Variants in PCNT observed in about 807,000 individuals in gnomAD.
The protein encoded by PCNT is pericentrin.
Under a neutral mutation model 380.4 loss-of-function variants are expected in PCNT, and 319 were observed. The observed-to-expected ratio is 0.84, with a 90% CI of 0.77 to 0.92. The LOEUF (loss-of-function observed/expected upper bound fraction) is 0.92. Ranked by LOEUF, PCNT falls within the 40% of genes least tolerant of loss-of-function variation. The pLI is 0.00. For missense variants in PCNT, 4,400 were observed against 4,255.3 expected (o/e 1.03, Z -0.95); for synonymous variants, 1,845 against 1,735.2 (o/e 1.06, Z -1.57).
chr21:46,396,495 G>A (rs1010182470), intron 21 of PCNT, among the ~76,000 whole-genome samples: 33 of 152,212 alleles, frequency 2.2e-4, no homozygotes, highest in African/African-American at 8.0e-4. Flanking sequence ...GAGCCCTTGC[G>A]GCCTCGTCAC....
chr21:46,363,506 C>T lies in PCNT; in HGVS notation c.2181C>T (p.His727=). 1 of 1,613,348 alleles carries T rather than the reference C, an allele frequency of 6.2e-7. No homozygotes were observed. Among genetic ancestry groups the T allele is most frequent in the Non-Finnish European group, 8.5e-7 (1 of 1,179,532 alleles). Residue 727 remains histidine, a synonymous_variant, in exon 14 of 47, where the codon CAC becomes CAT. Transcript: ENST00000359568. The part of the protein sequence containing the change: ...EKVKHNLIED[H]QKELNNAKQK... ...TAAAACACAATCTAATTGAAGACCACCAGAAGGAACTAAATAATGCTAAGC... is the reference window on the plus strand; with the variant it reads ...TAAAACACAATCTAATTGAAGACCATCAGAAGGAACTAAATAATGCTAAGC...
At chr21:46,390,155 C>G (rs951066723) in intron 19 of PCNT, among the ~76,000 whole-genome samples, 15 of 152,224 alleles carry the variant, frequency 9.9e-5, no homozygotes, top group African/African-American at 3.1e-4. Flanking sequence ...AGCGAGACCT[C>G]ATTTTAAGTT....
At chr21:46,336,040 G>A (rs369387546) in intron 3 of PCNT, among the ~76,000 whole-genome samples, 2 of 151,880 alleles carry the variant, frequency 1.3e-5, no homozygotes, top group Non-Finnish European at 2.9e-5. Context: ...GCAGTGGCGC[G>A]ATCTCGGCTC....
At chr21:46,371,234 A>T (rs1322881289) in intron 15 of PCNT, among the ~76,000 whole-genome samples, 9 of 135,788 alleles carry the variant, frequency 6.6e-5, no homozygotes, top group African/African-American at 1.9e-4. Context: ...TTTTTTTTTT[A>T]AAGACGGAGT....
intron 16 of PCNT, among the ~76,000 whole-genome samples, chr21:46,384,317 T>G (rs2147205691): frequency 6.8e-6 from 1 of 147,818 alleles, no homozygotes; most frequent in Admixed American, 6.8e-5. Context: ...CGGAAGCCCA[T>G]TCACGGTGTT....
intron 15 of PCNT, among the ~76,000 whole-genome samples, chr21:46,370,144 C>T (rs978066999): frequency 3.3e-5 from 5 of 150,860 alleles, no homozygotes; most frequent in African/African-American, 9.9e-5. Flanking sequence ...GCAGTGGGGT[C>T]TGTGCTCAAA....
intron 38 of PCNT, among the ~76,000 whole-genome samples, chr21:46,435,204 G>A (rs1407370038): frequency 6.6e-6 from 1 of 152,066 alleles, no homozygotes; most frequent in East Asian, 1.9e-4. Context: ...GCTTTTGCTT[G>A]GCAGTTGTTG....
At chr21:46,424,714 G>GCT (rs1569289250) in intron 32 of PCNT, among the ~76,000 whole-genome samples, 2 of 81,058 alleles carry the variant, frequency 2.5e-5, no homozygotes, top group African/African-American at 9.2e-5. Context: ...CTCCCACTGC[G>GCT]CCCCCCCCAA....
chr21:46,349,652 G>A (rs750462863), intron 7 of PCNT, 32 bp from the exon 8 acceptor site: 3 of 1,611,040 alleles, frequency 1.9e-6, no homozygotes, highest in South Asian at 1.1e-5. Flanking sequence ...GTGATGTCTT[G>A]TAAACCAAGT....
At chr21:46,334,161 T>C (rs998684969) in intron 2 of PCNT, among the ~76,000 whole-genome samples, 14 of 147,644 alleles carry the variant, frequency 9.5e-5, no homozygotes, top group African/African-American at 2.5e-4. Context: ...GCTGAGATTG[T>C]GCCACTGCAC....
In PCNT at chr21:46,431,571, C is replaced by T. The variant is rs758298374; in HGVS notation, c.8107C>T (p.Arg2703Ter). 7.4e-6 allele frequency: 12 copies of T among 1,613,908 alleles called. No homozygotes were observed. Among genetic ancestry groups the T allele is most frequent in the African/African-American group, 1.3e-5 (1 of 74,934 alleles). The change falls in exon 38 of 47, where the codon CGA becomes TGA. Residue 2703 changes from arginine to a stop codon, truncating the protein, a stop_gained. Coordinates refer to ENST00000359568, the MANE Select transcript of PCNT (RefSeq NM_006031.6). LOFTEE classifies it high-confidence loss of function. ...SLETQRAQSS[R>*]LCVALKHEQT... The stretch of plus-strand genomic sequence containing the variant: ...GGAGACACAGCGTGCTCAGAGCAGT[C>T]GACTCTGCGTGGCACTGAAACACGA...
In PCNT at chr21:46,334,555, G is replaced by C. The variant is rs947277479; in HGVS notation, c.426G>C (p.Gln142His). 1.3e-6 allele frequency: 2 copies of C among 1,599,204 alleles called. No individual in the cohort carries two copies. The highest frequency in any genetic ancestry group is 2.7e-5 in the African/African-American group (2 of 74,314). The change falls in exon 3 of 47, where the codon CAG (glutamine) becomes CAC (histidine). Residue 142 changes from glutamine (Q) to histidine (H), a missense_variant. Gln to His is a conservative substitution (Grantham distance 24). Coordinates refer to ENST00000359568, the MANE Select transcript of PCNT (RefSeq NM_006031.6). ...CAGTCGGTGACCACCCACCAGAACA[G>C]CGTGGGATGTTCACAGTCAGTGACC... ...MFTVGDHPPE[Q>H]RGMFTVSDHP... is the part of the protein sequence containing the mutation.
At chr21:46,430,943 G>T in intron 37 of PCNT, 2 of 984,998 alleles carry the variant, frequency 2.0e-6, no homozygotes, top group African/African-American at 1.7e-5. Flanking sequence ...CAGCCTCCTC[G>T]CTGGCATCCA....
Position 46,445,421 on chromosome 21 carries a change from A to G in PCNT, c.*94A>G, listed in dbSNP as rs1460588476. ...AGGAAGCTCGTGGGACAGCATGGGCACTACTCTTCATGTGCGGTGACACCA... is the reference window on the plus strand; with the variant it reads ...AGGAAGCTCGTGGGACAGCATGGGCGCTACTCTTCATGTGCGGTGACACCA... On this transcript the variant is annotated 3_prime_UTR_variant, in exon 47 of 47. Transcript: ENST00000359568. The G allele has an allele frequency of 1.0e-6, 1 of 954,744 alleles. No homozygotes were observed. The highest frequency in any genetic ancestry group is 1.7e-6 in the Non-Finnish European group (1 of 577,574). 59.1% of individuals were successfully genotyped at this position (954,744 alleles called of 1,614,324 possible).
chr21:46,381,804 TC>T lies in PCNT; in HGVS notation c.3277del (p.Leu1093CysfsTer13), dbSNP rs2085553061. Reference protein sequence around the residue: ...FHQEEKESLSLQLQKKNHQVQ... With the variant: ...FHQEEKESLSXQLQKKNHQVQ... ...ACCAAGAGGAGAAAGAGTCTTTGTC[TC>T]TGCAGCTTCAAAAGAAGAATCACCA... On this transcript the variant is annotated frameshift_variant, in exon 16 of 47. Coordinates refer to ENST00000359568, the MANE Select transcript of PCNT (RefSeq NM_006031.6). LOFTEE classifies it high-confidence loss of function. The T allele has an allele frequency of 6.2e-7, 1 of 1,614,144 alleles. No individual in the cohort carries two copies. The highest frequency in any genetic ancestry group is 1.7e-5 in the Admixed American group (1 of 60,016).
At chr21:46,326,148 G>A (rs1317142745) in intron 1 of PCNT, among the ~76,000 whole-genome samples, 2 of 152,182 alleles carry the variant, frequency 1.3e-5, no homozygotes, top group Middle Eastern at 3.2e-3. Context: ...CCAATCAGCC[G>A]TATGGTTTTC....
chr21:46,389,395 C>T lies in PCNT; in HGVS notation c.3804C>T (p.Asp1268=), dbSNP rs200460400. ...RVFQSLSLAV[D]GLMEMALDSS... ...TCCAGAGCCTCAGCCTGGCCGTGGACGGCCTCATGGAGATGGCCCTGGACT... is the reference window on the plus strand; with the variant it reads ...TCCAGAGCCTCAGCCTGGCCGTGGATGGCCTCATGGAGATGGCCCTGGACT... The change falls in exon 19 of 47, where the codon GAC becomes GAT. Residue 1268 remains aspartate (D), a synonymous_variant. Coordinates refer to ENST00000359568, the MANE Select transcript of PCNT (RefSeq NM_006031.6). 19 of 1,614,020 alleles carry T rather than the reference C, an allele frequency of 1.2e-5. No individual in the cohort carries two copies. Among genetic ancestry groups the T allele is most frequent in the East Asian group, 8.9e-5 (4 of 44,890 alleles).
At chr21:46,419,401 T>C (rs1333684429) in intron 31 of PCNT, among the ~76,000 whole-genome samples, 1 of 152,164 alleles carries the variant, frequency 6.6e-6, no homozygotes, top group Non-Finnish European at 1.5e-5. Context: ...TCTTCTCGTA[T>C]TTGCTTTATT....
chr21:46,426,941 C>T (rs934715774), intron 33 of PCNT, among the ~76,000 whole-genome samples: 3 of 152,192 alleles, frequency 2.0e-5, no homozygotes, highest in African/African-American at 7.2e-5. Context: ...CATGGAGAGC[C>T]GGTGGGAGGG....
Sources: allele counts gnomAD v4.1 joint callset (sites outside exome capture counted in the v4.1 genomes callset), GRCh38; gene constraint gnomAD v4.1.1; transcripts MANE v1.5; gene names NCBI Gene and HGNC (gene_info 2026-07-23, HGNC 2026-07-21).